The following NHSL1 variants were observed in gnomAD, a reference collection of about 807,000 sequenced individuals.
The protein encoded by NHSL1 is NHS like 1, also known as NHS-like protein 1.
NHSL1 carries 48 observed loss-of-function variants against 95.0 expected under a neutral mutation model. The ratio of observed to expected loss-of-function variants is 0.51; its 90% confidence interval spans 0.40 to 0.64. The LOEUF (loss-of-function observed/expected upper bound fraction) is 0.64, where lower values mean the gene tolerates loss of function less well. Among genes scored for constraint, NHSL1 ranks in the 30% least tolerant of loss-of-function variants. NHSL1 has a pLI of 0.00. For synonymous variants in NHSL1, 783 were observed against 833.9 expected, an observed-to-expected ratio of 0.94 and a Z score of 1.05; for missense variants, 1,971 against 2,077.7, an observed-to-expected ratio of 0.95 and a Z score of 1.00.
intron 1 of NHSL1, among the ~76,000 whole-genome samples, chr6:138,536,919 G>A (rs1267569276): frequency 6.6e-6 from 1 of 152,080 alleles, no homozygotes; most frequent in Non-Finnish European, 1.5e-5. Flanking sequence ...AAAATAGGCT[G>A]CCAATTACTG....
At chr6:138,555,976 A>G (rs533236880) in intron 1 of NHSL1, among the ~76,000 whole-genome samples, 75 of 152,044 alleles carry the variant, frequency 4.9e-4, no homozygotes, top group African/African-American at 1.6e-3. Flanking sequence ...AAGGGATCAG[A>G]CAGGGTATCT....
At chr6:138,464,833 C>G (rs1778253441) in intron 3 of NHSL1, among the ~76,000 whole-genome samples, 1 of 151,044 alleles carries the variant, frequency 6.6e-6, no homozygotes, top group Non-Finnish European at 1.5e-5. Flanking sequence ...CTGCCTCAGC[C>G]TCTCTAGTAG....
At chr6:138,458,855 C>T (rs1215341416) in intron 3 of NHSL1, among the ~76,000 whole-genome samples, 1 of 151,114 alleles carries the variant, frequency 6.6e-6, no homozygotes, top group East Asian at 1.9e-4. Flanking sequence ...AAAAAAAAAC[C>T]CAGAAAAAAT....
At chr6:138,439,814 C>T (rs1427552630) in intron 5 of NHSL1, among the ~76,000 whole-genome samples, 7 of 152,134 alleles carry the variant, frequency 4.6e-5, no homozygotes, top group Non-Finnish European at 8.8e-5. Flanking sequence ...TTCCCTCCAG[C>T]ATTAGTGACG....
At chr6:138,501,032 C>T (rs142681066), upstream of NHSL1, among the ~76,000 whole-genome samples, 373 of 152,334 alleles carry the variant, frequency 2.4e-3, 1 homozygote, top group Middle Eastern at 0.014. Flanking sequence ...AGAGTGACCT[C>T]GCTCTGCTCA....
rs1429113065 is a variant in NHSL1 at position 138,424,725 on chromosome 6, C to A, written c.4177G>T (p.Ala1393Ser). The change falls in exon 8 of 8, where the codon GCC becomes TCC. Residue 1393 changes from alanine to serine, a missense_variant. By Grantham distance (99) the Ala-to-Ser change is moderately conservative (BLOSUM62 1). Transcript: ENST00000343505. The surrounding 1 kb of genome is among the most constrained non-coding windows in gnomAD (Gnocchi z 5.9). ...PSPPVTPTGA[A>S]PSLASPKQVG... ...TGCTTTGGAGAGGCCAGGCTTGGGG[C>A]AGCGCCGGTGGGTGTCACGGGCGGG... 1 of 1,551,442 alleles carries A rather than the reference C, an allele frequency of 6.4e-7. No homozygotes were observed. Among genetic ancestry groups the A allele is most frequent in the African/African-American group, 1.4e-5 (1 of 73,016 alleles).
intron 1 of NHSL1, among the ~76,000 whole-genome samples, chr6:138,511,738 C>T (rs1259813666): frequency 6.6e-6 from 1 of 152,152 alleles, no homozygotes; most frequent in Non-Finnish European, 1.5e-5. Flanking sequence ...TAGTTCAAGA[C>T]CAGCCTGGGC....
At chr6:138,630,146 T>TA (rs1176370128) in intron 1 of NHSL1, among the ~76,000 whole-genome samples, 7 of 151,928 alleles carry the variant, frequency 4.6e-5, no homozygotes, top group African/African-American at 1.7e-4. Flanking sequence ...GCTTGGGAGT[T>TA]AGAGGCTGCG....
At chr6:138,591,748 A>G (rs930087794) in intron 1 of NHSL1, among the ~76,000 whole-genome samples, 3 of 152,072 alleles carry the variant, frequency 2.0e-5, no homozygotes, top group Non-Finnish European at 2.9e-5. Context: ...TAAGTTTTCA[A>G]TTGAGCGCGG....
intron 1 of NHSL1, among the ~76,000 whole-genome samples, chr6:138,609,530 C>G (rs773561641): frequency 1.3e-5 from 2 of 152,096 alleles, no homozygotes; most frequent in Non-Finnish European, 2.9e-5. Flanking sequence ...GTGGGCGGAT[C>G]ACGAGGTCAA....
intron 1 of NHSL1, among the ~76,000 whole-genome samples, chr6:138,672,496 A>T (rs1785385979): frequency 7.0e-6 from 1 of 142,134 alleles, no homozygotes; most frequent in Non-Finnish European, 1.6e-5. Flanking sequence ...ATAGTATACT[A>T]AAAGAACACT....
chr6:138,470,172 C>T (rs760710934), intron 3 of NHSL1, among the ~76,000 whole-genome samples: 1 of 152,126 alleles, frequency 6.6e-6, no homozygotes, highest in Non-Finnish European at 1.5e-5. Context: ...TTCTAATATA[C>T]TTCAACTTGG....
At chr6:138,523,647 A>AAAAAAAAAAAAAAAAG (rs1781783201) in intron 1 of NHSL1, among the ~76,000 whole-genome samples, 1 of 149,134 alleles carries the variant, frequency 6.7e-6, no homozygotes. Flanking sequence ...AAAAAAAAAA[A>AAAAAAAAAAAAAAAAG]AAAAACAGAG....
At chr6:138,596,429 T>A (rs7752640) in intron 1 of NHSL1, among the ~76,000 whole-genome samples, 1,768 of 152,242 alleles carry the variant, frequency 0.012, 24 homozygotes, top group African/African-American at 0.041. Context: ...ATCAACTGCA[T>A]GAAAAAGCAC....
chr6:138,527,844 G>C (rs1263854110), intron 1 of NHSL1, among the ~76,000 whole-genome samples: 1 of 152,234 alleles, frequency 6.6e-6, no homozygotes, highest in Non-Finnish European at 1.5e-5. Flanking sequence ...TTATGAGTTA[G>C]GGAATTACCA....
rs1015106673 is a variant in NHSL1 at position 138,430,394 on chromosome 6, T to G, written c.3951A>C (p.Ala1317=). Reference sequence around the variant, plus strand: ...GAGAAGCCAGGAAGCCAGACTCACCTGCTCCGTCCTGTTGAGATAGGCAGC... The same window carrying G: ...GAGAAGCCAGGAAGCCAGACTCACCGGCTCCGTCCTGTTGAGATAGGCAGC... ...GESCLSQQDG[A]AGVPETNAAG... The change falls in exon 6 of 8, where the codon GCA becomes GCC. Residue 1317 remains alanine (A), a splice_region_variant and synonymous_variant. Coordinates refer to ENST00000343505, the MANE Select transcript of NHSL1 (RefSeq NM_001144060.2). The surrounding 1 kb of genome is among the most constrained non-coding windows in gnomAD (Gnocchi z 4.7). 1 of 1,463,274 alleles carries G rather than the reference T, an allele frequency of 6.8e-7. No individual in the cohort carries two copies. The highest frequency in any genetic ancestry group is 2.5e-5 in the East Asian group (1 of 40,010). 90.6% of individuals were successfully genotyped at this position (1,463,274 alleles called of 1,614,324 possible). A position where few individuals can be genotyped will look rare whatever the true frequency, so the allele number is the denominator to read the frequency against.
intron 4 of NHSL1, among the ~76,000 whole-genome samples, chr6:138,443,903 C>T (rs1385533023): frequency 6.6e-6 from 1 of 152,120 alleles, no homozygotes; most frequent in Non-Finnish European, 1.5e-5. Flanking sequence ...GATAAAATCA[C>T]CCAAGCTCCC....
At chr6:138,591,048 CAAGAAA>C (rs1193848521) in intron 1 of NHSL1, among the ~76,000 whole-genome samples, 1 of 152,120 alleles carries the variant, frequency 6.6e-6, no homozygotes, top group African/African-American at 2.4e-5. Flanking sequence ...CGCCTCCTCT[CAAGAAA>C]AAGAACAGCA....
At chr6:138,585,870 C>T (rs1583435172) in intron 1 of NHSL1, among the ~76,000 whole-genome samples, 2 of 148,960 alleles carry the variant, frequency 1.3e-5, no homozygotes, top group East Asian at 2.0e-4. Flanking sequence ...CGGCAAGTCC[C>T]AGTCTCTACA....
Sources: allele counts gnomAD v4.1 joint callset (sites outside exome capture counted in the v4.1 genomes callset), GRCh38; gene constraint gnomAD v4.1.1; non-coding constraint Gnocchi (gnomAD v3.1); transcripts MANE v1.5; gene names NCBI Gene and HGNC (gene_info 2026-07-23, HGNC 2026-07-21).